Variants in NLRP8 observed in about 807,000 individuals in gnomAD.
The protein encoded by NLRP8 is NACHT, LRR and PYD domains-containing protein 8.
In NLRP8, 86 loss-of-function variants were observed where a neutral mutation model predicts 88.7. That is an observed-to-expected ratio of 0.97 (90% CI 0.81 to 1.16). NLRP8 has a LOEUF of 1.16. Ranked by LOEUF, NLRP8 falls within the 50% of genes most tolerant of loss-of-function variation. The probability of loss-of-function intolerance (pLI) is 0.00; values close to 1 mark genes in which losing one functional copy is unlikely to be tolerated. For synonymous variants in NLRP8, 504 were observed against 494.6 expected (o/e 1.02, Z -0.25); for missense variants, 1,342 against 1,286.5 (o/e 1.04, Z -0.66).
intron 4 of NLRP8, among the ~76,000 whole-genome samples, chr19:55,963,273 C>T (rs1600304649): frequency 6.6e-6 from 1 of 152,300 alleles, no homozygotes; most frequent in Non-Finnish European, 1.5e-5. Flanking sequence ...CTCGGCCTCC[C>T]AAGGTGCTGG....
chr19:55,966,423 G>C (rs139797058), intron 5 of NLRP8, 43 bp downstream of exon 5: 2 of 1,590,166 alleles, frequency 1.3e-6, no homozygotes, highest in East Asian at 2.2e-5. Context: ...CGGGGTACCC[G>C]GATGGTCTTT....
intron 8 of NLRP8, among the ~76,000 whole-genome samples, chr19:55,977,859 G>A (rs939789365): frequency 6.6e-6 from 1 of 151,956 alleles, no homozygotes; most frequent in African/African-American, 2.4e-5. Flanking sequence ...GGATAATGGT[G>A]TTCATTTTTG....
chr19:55,963,654 A>G (rs1457293930), intron 4 of NLRP8, among the ~76,000 whole-genome samples: 5 of 151,862 alleles, frequency 3.3e-5, no homozygotes, highest in African/African-American at 1.2e-4. Context: ...AGCTCAAGCA[A>G]TCCTCCCACC....
chr19:55,958,938 G>T (rs559025058), intron 3 of NLRP8, among the ~76,000 whole-genome samples: 58 of 152,240 alleles, frequency 3.8e-4, no homozygotes, highest in African/African-American at 1.3e-3. Flanking sequence ...GAGTGCAGTG[G>T]TGAGGTCTCG....
chr19:55,983,089 T>A (rs117502169), intron 9 of NLRP8, among the ~76,000 whole-genome samples: 5 of 152,202 alleles, frequency 3.3e-5, no homozygotes, highest in Admixed American at 1.3e-4. Context: ...ACCTTGGTTC[T>A]TGTCTTCATT....
chr19:55,967,986 T>A (rs896557430), intron 5 of NLRP8, among the ~76,000 whole-genome samples: 1 of 152,214 alleles, frequency 6.6e-6, no homozygotes, highest in Non-Finnish European at 1.5e-5. Context: ...TCATGATGAC[T>A]CCATTCTGCC....
chr19:55,960,390 C>T (rs1301666252), intron 3 of NLRP8, among the ~76,000 whole-genome samples: 1 of 152,128 alleles, frequency 6.6e-6, no homozygotes, highest in Non-Finnish European at 1.5e-5. Flanking sequence ...CACAAAATCA[C>T]ATTCAAGGGG....
intron 3 of NLRP8, among the ~76,000 whole-genome samples, chr19:55,959,368 C>A (rs1044304423): frequency 1.3e-5 from 2 of 151,556 alleles, no homozygotes; most frequent in African/African-American, 2.4e-5. Context: ...CCCGCCACCA[C>A]GCCTGGCTAA....
rs778675725 is a variant in NLRP8 at position 55,948,264 on chromosome 19, T to C, written c.362T>C (p.Ile121Thr). The C allele has an allele frequency of 1.2e-5, 19 of 1,611,022 alleles. No homozygotes were observed. Among genetic ancestry groups the C allele is most frequent in the Admixed American group, 3.3e-5 (2 of 59,924 alleles). Reference sequence around the variant, plus strand: ...ATGTGTGTTGTAGTCCGCAGAGAGATAAATGGTGAGTGTTGATCTGGTGGA... The same window carrying C: ...ATGTGTGTTGTAGTCCGCAGAGAGACAAATGGTGAGTGTTGATCTGGTGGA... The change falls in exon 1 of 10, where the codon ATA (isoleucine) becomes ACA (threonine). Residue 121 changes from isoleucine to threonine, a missense_variant. Coordinates refer to ENST00000291971, the MANE Select transcript of NLRP8 (RefSeq NM_176811.2).
intron 1 of NLRP8, among the ~76,000 whole-genome samples, chr19:55,950,276 G>A (rs167388): frequency 0.42 from 62,305 of 149,734 alleles, 13,024 homozygotes; most frequent in East Asian, 0.54. Context: ...AAAAATAGCC[G>A]GGCGTGGTGA....
chr19:55,970,319 G>A (rs949785273), intron 5 of NLRP8, among the ~76,000 whole-genome samples: 7 of 152,194 alleles, frequency 4.6e-5, no homozygotes, highest in African/African-American at 1.4e-4. Context: ...GAGCTCAGTC[G>A]TTATTGTATT....
chr19:55,951,200 C>T (rs1446359995), intron 1 of NLRP8, among the ~76,000 whole-genome samples: 4 of 152,194 alleles, frequency 2.6e-5, no homozygotes, highest in Non-Finnish European at 4.4e-5. Context: ...CGCTTGTTAG[C>T]TGAGCTTCCT....
chr19:55,966,357 C>T lies in NLRP8; in HGVS notation c.2358C>T (p.Pro786=), dbSNP rs145699379. The change falls in exon 5 of 10, where the codon CCC becomes CCT. Residue 786 remains proline (P), a synonymous_variant. Coordinates refer to ENST00000291971, the MANE Select transcript of NLRP8 (RefSeq NM_176811.2). ...TTCTATGCAGGGTGCTGAGATCCCC[C>T]CGGTGCCGTCTGCAGTGTCTCAGGT... The T allele has an allele frequency of 1.2e-6, 2 of 1,613,868 alleles. No individual in the cohort carries two copies. Among genetic ancestry groups the T allele is most frequent in the African/African-American group, 2.7e-5 (2 of 74,906 alleles).
intron 4 of NLRP8, among the ~76,000 whole-genome samples, chr19:55,965,095 G>T (rs1979780302): frequency 6.6e-6 from 1 of 152,130 alleles, no homozygotes; most frequent in South Asian, 2.1e-4. Context: ...AGAGCAGCCT[G>T]GACAACATAG....
chr19:55,954,875 A>G lies in NLRP8; in HGVS notation c.817A>G (p.Lys273Glu). Residue 273 changes from lysine to glutamate, a missense_variant, in exon 3 of 10, where the codon AAG becomes GAG. Lys to Glu is a moderately conservative substitution (Grantham distance 56). Transcript: ENST00000291971. Reference sequence around the variant, plus strand: ...GCCTGGATCTCAGGACCTCGTGTCAAAGATTATGTCCAAACCCGACCAACT... The same window carrying G: ...GCCTGGATCTCAGGACCTCGTGTCAGAGATTATGTCCAAACCCGACCAACT... 6.2e-7 allele frequency: 1 copy of G among 1,614,172 alleles called. No homozygotes were observed. The highest frequency in any genetic ancestry group is 8.5e-7 in the Non-Finnish European group (1 of 1,180,018).
intron 2 of NLRP8, 85 bp from the exon 3 acceptor site, chr19:55,954,416 C>G (rs564690874): frequency 6.6e-6 from 9 of 1,362,652 alleles, no homozygotes; most frequent in African/African-American, 1.4e-5. Context: ...ACGTAGACAT[C>G]GAGACTGGTT....
chr19:55,970,299 G>C (rs944909601), intron 5 of NLRP8, among the ~76,000 whole-genome samples: 2 of 152,038 alleles, frequency 1.3e-5, no homozygotes, highest in Admixed American at 6.6e-5. Context: ...GAGCTGAATG[G>C]AAATAGTTAG....
intron 1 of NLRP8, 111 bp downstream of exon 1, chr19:55,948,380 A>G (rs1978948595): frequency 1.7e-6 from 2 of 1,143,944 alleles, no homozygotes; most frequent in Non-Finnish European, 1.2e-6. Context: ...GAAAGCAAAC[A>G]GTGGAGGAAG....
chr19:55,952,737 C>A (rs780183180), intron 2 of NLRP8, 125 bp downstream of exon 2: 19 of 705,180 alleles, frequency 2.7e-5, no homozygotes, highest in Non-Finnish European at 4.1e-5. Context: ...ACAATCAGAA[C>A]CAACATGGCG....
Sources: gnomAD v4.1 joint callset for allele counts (sites outside exome capture counted in the v4.1 genomes callset) on GRCh38, gnomAD v4.1.1 for gene constraint, MANE v1.5 for transcripts, NCBI Gene and HGNC (gene_info 2026-07-23, HGNC 2026-07-21) for gene names.